Variants in TLN2 observed in about 807,000 individuals in gnomAD.
TLN2 encodes talin 2, also known as talin-2.
Under a neutral mutation model 294.7 loss-of-function variants are expected in TLN2, and 118 were observed. The observed-to-expected ratio is 0.40, with a 90% CI of 0.34 to 0.47. TLN2 has a LOEUF of 0.47. TLN2 is among the 20% of genes least tolerant of loss of function. TLN2 has a pLI of 0.84. For synonymous variants in TLN2, 1,431 were observed against 1,304.5 expected (o/e 1.10, Z -2.09); for missense variants, 3,083 against 3,282.2 (o/e 0.94, Z 1.48).
chr15:62,717,941 A>G (rs2059890386), intron 24 of TLN2, among the ~76,000 whole-genome samples: 1 of 152,176 alleles, frequency 6.6e-6, no homozygotes, highest in Non-Finnish European at 1.5e-5. Flanking sequence ...AGACTGAGCC[A>G]AAGAGGATCA....
Position 62,686,763 on chromosome 15 carries a change from G to A in TLN2, c.1080G>A (p.Lys360=). Residue 360 remains lysine (K), a synonymous_variant, in exon 12 of 59, where the codon AAG becomes AAA. Transcript: ENST00000636159. ...AGGAGTGGCCCCTCACCACCGTCAA[G>A]CGCTGGGCAGCCTCACCCAAGAGCT... ...VLQEWPLTTV[K]RWAASPKSFT... is the part of the protein sequence containing the mutation. 6.2e-6 allele frequency: 10 copies of A among 1,613,508 alleles called. No individual in the cohort carries two copies. Among genetic ancestry groups the A allele is most frequent in the Non-Finnish European group, 7.6e-6 (9 of 1,179,902 alleles).
At chr15:62,678,328 T>C (rs1173949457) in intron 11 of TLN2, among the ~76,000 whole-genome samples, 2 of 152,192 alleles carry the variant, frequency 1.3e-5, no homozygotes, top group Admixed American at 1.3e-4. Context: ...TATTAAGAAT[T>C]AATGAACCTG....
intron 1 of TLN2, among the ~76,000 whole-genome samples, chr15:62,444,138 AAG>A (rs2035695550): frequency 6.6e-6 from 1 of 152,218 alleles, no homozygotes; most frequent in Non-Finnish European, 1.5e-5. Flanking sequence ...TGAACCTATA[AAG>A]AAGTCTGAGA....
intron 1 of TLN2, among the ~76,000 whole-genome samples, chr15:62,447,276 G>T (rs2035869843): frequency 6.6e-6 from 1 of 152,096 alleles, no homozygotes; most frequent in Non-Finnish European, 1.5e-5. Flanking sequence ...GAGAGAGGTA[G>T]TTTCGACCTG....
chr15:62,460,912 G>A (rs922590227), intron 1 of TLN2, among the ~76,000 whole-genome samples: 6 of 151,700 alleles, frequency 4.0e-5, no homozygotes, highest in Non-Finnish European at 7.4e-5. Context: ...TCATAATCTC[G>A]ACTTAGTTTT....
At chr15:62,539,890 A>C (rs2041574820) in intron 1 of TLN2, among the ~76,000 whole-genome samples, 2 of 151,624 alleles carry the variant, frequency 1.3e-5, no homozygotes, top group South Asian at 4.2e-4. Flanking sequence ...CCTTTTAGGC[A>C]CAGGAGACCA....
chr15:62,727,247 G>C, intron 28 of TLN2, 58 bp downstream of exon 28: 2 of 1,458,464 alleles, frequency 1.4e-6, no homozygotes, highest in South Asian at 1.2e-5. Flanking sequence ...GGTGTAGTGG[G>C]GGAGGAGGAG....
chr15:62,707,734 A>G (rs2059157121), intron 20 of TLN2, among the ~76,000 whole-genome samples: 1 of 152,190 alleles, frequency 6.6e-6, no homozygotes, highest in African/African-American at 2.4e-5. Flanking sequence ...ATTAAGCACC[A>G]TTATCTCTAG....
intron 1 of TLN2, among the ~76,000 whole-genome samples, chr15:62,529,966 C>T (rs892444061): frequency 4.6e-5 from 7 of 152,078 alleles, no homozygotes; most frequent in African/African-American, 9.7e-5. Context: ...CTAAGGGGGG[C>T]GGATCACCTG....
Position 62,708,670 on chromosome 15 carries a change from C to A in TLN2, c.2341C>A (p.Leu781Ile), listed in dbSNP as rs1319512904. Residue 781 changes from leucine to isoleucine, a missense_variant, in exon 21 of 59, where the codon CTC (leucine) becomes ATC (isoleucine). Leu to Ile is a conservative substitution (Grantham distance 5, BLOSUM62 2). Coordinates refer to ENST00000636159, the MANE Select transcript of TLN2 (RefSeq NM_015059.3). ...SAAASVVSQA[L>I]HDLLQHVRQF... ...AGCGGCCAGCGTGGTCAGCCAGGCC[C>A]TCCATGATCTCCTGCAGCATGTGCG... 6.2e-7 allele frequency: 1 copy of A among 1,614,174 alleles called. No homozygotes were observed.
chr15:62,465,349 C>T (rs756241998), intron 1 of TLN2, among the ~76,000 whole-genome samples: 21 of 152,120 alleles, frequency 1.4e-4, no homozygotes, highest in Non-Finnish European at 2.6e-4. Context: ...CTGTGCGGTG[C>T]GGCTGGGGAA....
At chr15:62,693,938 A>T (rs534182861) in intron 13 of TLN2, among the ~76,000 whole-genome samples, 1 of 147,054 alleles carries the variant, frequency 6.8e-6, no homozygotes, top group East Asian at 2.0e-4. Context: ...TTGTATGAAG[A>T]CCTGCTGATT....
chr15:62,654,754 C>CAAAAAAAAAAAA (rs59006343), intron 7 of TLN2, among the ~76,000 whole-genome samples: 2 of 33,858 alleles, frequency 5.9e-5, no homozygotes, highest in East Asian at 1.0e-3. Context: ...GACTCTGCCT[C>CAAAAAAAAAAAA]AAAAAAAAAA....
chr15:62,566,584 A>G (rs1430575363), intron 1 of TLN2, among the ~76,000 whole-genome samples: 2 of 151,944 alleles, frequency 1.3e-5, no homozygotes, highest in Admixed American at 1.3e-4. Flanking sequence ...GAGTCTTTCT[A>G]AAAAACTCCT....
chr15:62,538,448 T>C (rs941054308), intron 1 of TLN2, among the ~76,000 whole-genome samples: 1 of 152,198 alleles, frequency 6.6e-6, no homozygotes, highest in Non-Finnish European at 1.5e-5. Flanking sequence ...CCTCAGAGCC[T>C]AAAGCATTAG....
At chr15:62,589,199 G>T (rs569956962) in intron 1 of TLN2, among the ~76,000 whole-genome samples, 29 of 152,222 alleles carry the variant, frequency 1.9e-4, no homozygotes, top group African/African-American at 7.0e-4. Flanking sequence ...CATGGAGCAA[G>T]TTCCCAGTGC....
chr15:62,766,338 G>A lies in TLN2; in HGVS notation c.5112G>A (p.Leu1704=). 6.2e-7 allele frequency: 1 copy of A among 1,613,014 alleles called. No individual in the cohort carries two copies. Among genetic ancestry groups the A allele is most frequent in the Non-Finnish European group, 8.5e-7 (1 of 1,179,122 alleles). ...CTTATCAGGCCCTGCAGGAGCAGCT[G>A]ACTTCGGTGGTCCAGGAAATCGGAC... ...DISVEALQEQ[L]TSVVQEIGHL... Residue 1704 remains leucine (L), a synonymous_variant, in exon 41 of 59, where the codon CTG becomes CTA. Transcript: ENST00000636159.
intron 1 of TLN2, among the ~76,000 whole-genome samples, chr15:62,436,041 C>T (rs2035271352): frequency 6.6e-6 from 1 of 152,226 alleles, no homozygotes; most frequent in East Asian, 1.9e-4. Context: ...CAGGATGTTT[C>T]TTGTGCCTAC....
intron 1 of TLN2, among the ~76,000 whole-genome samples, chr15:62,490,335 G>A (rs984371248): frequency 6.6e-6 from 1 of 152,156 alleles, no homozygotes; most frequent in African/African-American, 2.4e-5. Flanking sequence ...AGTTGTTAAT[G>A]CTTGAACTTA....
Sources: gnomAD v4.1 joint callset for allele counts (sites outside exome capture counted in the v4.1 genomes callset) on GRCh38, gnomAD v4.1.1 for gene constraint, MANE v1.5 for transcripts, NCBI Gene and HGNC (gene_info 2026-07-23, HGNC 2026-07-21) for gene names.